The following NUCB2 variants were observed in gnomAD, a reference collection of about 807,000 sequenced individuals.
NUCB2 encodes the protein nucleobindin 2.
NUCB2 carries 48 observed loss-of-function variants against 57.9 expected under a neutral mutation model. That is an observed-to-expected ratio of 0.83 (90% CI 0.66 to 1.05). NUCB2 has a LOEUF of 1.05. Among genes scored for constraint, NUCB2 ranks in the 50% least tolerant of loss-of-function variants. NUCB2 has a pLI of 0.00. For missense variants in NUCB2, 442 were observed against 476.2 expected (o/e 0.93, Z 0.67); for synonymous variants, 139 against 152.1 (o/e 0.91, Z 0.64).
At chr11:17,340,193 T>G (rs1041595121) in intron 2 of NUCB2, among the ~76,000 whole-genome samples, 9 of 152,306 alleles carry the variant, frequency 5.9e-5, no homozygotes, top group African/African-American at 2.2e-4. Flanking sequence ...CACTTTTTGA[T>G]GGGGTTGTTT....
chr11:17,343,857 A>C (rs2139650512), intron 2 of NUCB2, among the ~76,000 whole-genome samples: 1 of 152,262 alleles, frequency 6.6e-6, no homozygotes, highest in Non-Finnish European at 1.5e-5. Flanking sequence ...TTTCTAACTA[A>C]ATCTCAGTCC....
At chr11:17,294,304 G>A (rs1591305902) in intron 2 of NUCB2, among the ~76,000 whole-genome samples, 1 of 152,252 alleles carries the variant, frequency 6.6e-6, no homozygotes, top group African/African-American at 2.4e-5. Flanking sequence ...CACCCCAGAG[G>A]TCTTGGGTAC....
chr11:17,282,258 ATTT>A (rs71047540), intron 1 of NUCB2, among the ~76,000 whole-genome samples: 1,109 of 103,446 alleles, frequency 0.011, 19 homozygotes, highest in East Asian at 0.075. Flanking sequence ...ATATATATAT[ATTT>A]TTTTTTTTTT....
At chr11:17,342,576 T>C (rs1219651383) in intron 2 of NUCB2, among the ~76,000 whole-genome samples, 7 of 150,686 alleles carry the variant, frequency 4.6e-5, no homozygotes, top group African/African-American at 2.4e-5. Context: ...ATGTACCCAG[T>C]AGTCATTCAG....
chr11:17,336,315 T>C (rs1951797100), downstream of NUCB2, among the ~76,000 whole-genome samples: 1 of 152,092 alleles, frequency 6.6e-6, no homozygotes, highest in Non-Finnish European at 1.5e-5. Flanking sequence ...AATGAGCATT[T>C]TCTTTGAGCA....
At chr11:17,340,799 A>G (rs1432108229) in intron 2 of NUCB2, among the ~76,000 whole-genome samples, 1 of 152,196 alleles carries the variant, frequency 6.6e-6, no homozygotes, top group African/African-American at 2.4e-5. Flanking sequence ...TGACTTGGCA[A>G]TGTGGGCTCT....
At chr11:17,289,828 C>T (rs990711539) in intron 2 of NUCB2, among the ~76,000 whole-genome samples, 4 of 152,138 alleles carry the variant, frequency 2.6e-5, no homozygotes, top group Non-Finnish European at 5.9e-5. Flanking sequence ...AGGATTTTGT[C>T]AGAATTTCCT....
chr11:17,294,828 A>AT (rs2138396215), intron 2 of NUCB2, among the ~76,000 whole-genome samples: 1 of 152,214 alleles, frequency 6.6e-6, no homozygotes, highest in South Asian at 2.1e-4. Flanking sequence ...CGGGCGGATC[A>AT]CCTGAGGTCA....
chr11:17,331,404 T>TC lies in NUCB2; in HGVS notation c.1256-6dup. 6.9e-7 allele frequency: 1 copy of TC among 1,440,408 alleles called. No homozygotes were observed. Among genetic ancestry groups the TC allele is most frequent in the Non-Finnish European group, 9.2e-7 (1 of 1,087,642 alleles). The allele number at this position is 1,440,408 out of a possible 1,614,324, so 89.2% of individuals were successfully genotyped here. The stretch of plus-strand genomic sequence containing the variant: ...TTAAAATAAGAACTTTTTTCTTTTT[T>TC]CCAACAGACATTTAAAGTCTGAAGT... On this transcript the variant is annotated splice_region_variant and splice_polypyrimidine_tract_variant and intron_variant, in intron 13 of 13. Coordinates refer to ENST00000529010, the MANE Select transcript of NUCB2 (RefSeq NM_005013.4).
At chr11:17,300,552 A>G (rs747864073) in intron 4 of NUCB2, among the ~76,000 whole-genome samples, 4 of 152,136 alleles carry the variant, frequency 2.6e-5, no homozygotes, top group African/African-American at 9.7e-5. Flanking sequence ...GGTTTCTCTC[A>G]TTTAGCATAA....
At chr11:17,305,079 T>C (rs901361306) in intron 5 of NUCB2, among the ~76,000 whole-genome samples, 1 of 152,198 alleles carries the variant, frequency 6.6e-6, no homozygotes, top group African/African-American at 2.4e-5. Context: ...ATCCCAGCAC[T>C]TGGGGAAGCT....
intron 5 of NUCB2, among the ~76,000 whole-genome samples, chr11:17,305,686 A>G (rs999176356): frequency 7.2e-5 from 11 of 152,102 alleles, no homozygotes; most frequent in Admixed American, 2.6e-4. Flanking sequence ...CAGTGATGCA[A>G]TCATAGCTCA....
intron 2 of NUCB2, among the ~76,000 whole-genome samples, chr11:17,346,586 T>A (rs10832772): frequency 0.3 from 45,977 of 152,008 alleles, 7,886 homozygotes; most frequent in East Asian, 0.53. Flanking sequence ...ACTGACAGAG[T>A]CCATGATGTT....
At chr11:17,277,094 G>A (rs1236776302) in intron 1 of NUCB2, 1 of 152,448 alleles carries the variant, frequency 6.6e-6, no homozygotes, top group Non-Finnish European at 1.5e-5. Context: ...GAGCAGGAGA[G>A]GGTAGGTGCC....
chr11:17,328,947 G>C (rs1218871982), intron 11 of NUCB2, among the ~76,000 whole-genome samples: 1 of 152,196 alleles, frequency 6.6e-6, no homozygotes, highest in Non-Finnish European at 1.5e-5. Context: ...AAGACCCACA[G>C]CATACTCCAT....
rs1942989642 is a variant in NUCB2, at chr11:17,282,864, T to A, written c.-80T>A. 6.6e-6 allele frequency: 1 copy of A among 152,146 alleles called. No homozygotes were observed. Among genetic ancestry groups the A allele is most frequent in the African/African-American group, 2.4e-5 (1 of 41,448 alleles). 9.4% of individuals were successfully genotyped at this position (152,146 alleles called of 1,614,324 possible). On this transcript the variant is annotated 5_prime_UTR_variant, in exon 2 of 14. The change creates a new upstream start codon in the 5' untranslated region. Coordinates refer to ENST00000529010, the MANE Select transcript of NUCB2 (RefSeq NM_005013.4). ...GACCCATCTCTTCACTATTTTGGTA[T>A]TGTGCAAGTCATCTTACCTCTCTGG... is the stretch of plus-strand genomic sequence containing the variant.
chr11:17,315,823 G>A (rs1949158615), intron 11 of NUCB2, among the ~76,000 whole-genome samples: 1 of 152,112 alleles, frequency 6.6e-6, no homozygotes, highest in Admixed American at 6.5e-5. Context: ...CTTGAGTTAT[G>A]CATCGTACTG....
intron 11 of NUCB2, among the ~76,000 whole-genome samples, chr11:17,328,246 G>GTC (rs766895551): frequency 6.6e-5 from 10 of 152,282 alleles, no homozygotes; most frequent in East Asian, 3.9e-4. Context: ...CAAACAAATG[G>GTC]TCTCTCTCTC....
Position 17,332,097 on chromosome 11 carries a change from C to G in NUCB2, c.*678C>G, listed in dbSNP as rs1165074360. 1 of 152,140 alleles carries G rather than the reference C, an allele frequency of 6.6e-6. No homozygotes were observed. The highest frequency in any genetic ancestry group is 1.9e-4 in the East Asian group (1 of 5,192). 9.4% of individuals were successfully genotyped at this position (152,140 alleles called of 1,614,324 possible). ...AACTAAATAGGAGTTTTTCTTCTTA[C>G]ATAAGTCTAGAAGTAGGTGGTGTCC... On this transcript the variant is annotated 3_prime_UTR_variant, in exon 14 of 14. Coordinates refer to ENST00000529010, the MANE Select transcript of NUCB2 (RefSeq NM_005013.4).
Sources: gnomAD v4.1 joint callset for allele counts (sites outside exome capture counted in the v4.1 genomes callset) on GRCh38, gnomAD v4.1.1 for gene constraint, MANE v1.5 for transcripts, NCBI Gene and HGNC (gene_info 2026-07-23, HGNC 2026-07-21) for gene names.